PCID2: variants seen among roughly 807,000 people sequenced by gnomAD.
PCID2 encodes the protein PCI domain-containing protein 2.
In PCID2, 41 loss-of-function variants were observed where a neutral mutation model predicts 61.3. The observed-to-expected ratio is 0.67, with a 90% CI of 0.52 to 0.87. PCID2 has a LOEUF of 0.87. PCID2 is among the 40% of genes least tolerant of loss of function. The probability of loss-of-function intolerance (pLI) is 0.00; values close to 1 mark genes in which losing one functional copy is unlikely to be tolerated. For missense variants in PCID2, 392 were observed against 493.4 expected (o/e 0.79, Z 1.95); for synonymous variants, 187 against 177.8 (o/e 1.05, Z -0.41).
intron 7 of PCID2, among the ~76,000 whole-genome samples, chr13:113,190,096 C>T (rs1202380449): frequency 2.0e-5 from 3 of 151,670 alleles, no homozygotes; most frequent in Non-Finnish European, 4.4e-5. Flanking sequence ...GCACTTAACA[C>T]ACATGCAGTT....
In PCID2 at chr13:113,178,173, C is replaced by T. The variant is rs201289099; in HGVS notation, c.*25G>A. On this transcript the variant is annotated 3_prime_UTR_variant, in exon 14 of 14. Coordinates refer to ENST00000337344, the MANE Select transcript of PCID2 (RefSeq NM_001127202.4). Reference sequence around the variant, plus strand: ...CAAAGTGGAAAGAAACAACTGCTCACCCGTCCTCGGGGCTCCGTGTACTTT... The same window carrying T: ...CAAAGTGGAAAGAAACAACTGCTCATCCGTCCTCGGGGCTCCGTGTACTTT... The T allele has an allele frequency of 9.9e-5, 156 of 1,576,222 alleles. No homozygotes were observed. The African/African-American group carries it at 1.8e-3, about 18-fold the overall frequency.
chr13:113,165,210 G>C, the PCID2 span: 1 of 1,352,344 alleles, frequency 7.4e-7, no homozygotes, highest in Non-Finnish European at 1.0e-6. Context: ...ACAACTAAGT[G>C]AATCAGGCAT....
chr13:113,197,032 C>A lies in PCID2; in HGVS notation c.266+146G>T, dbSNP rs140379124. 4.5e-5 allele frequency: 72 copies of A among 1,613,652 alleles called. No individual in the cohort carries two copies. The African/African-American group carries it at 8.3e-4, about 19-fold the overall frequency. On this transcript the variant is annotated intron_variant, in intron 4 of 13. Coordinates refer to ENST00000337344, the MANE Select transcript of PCID2 (RefSeq NM_001127202.4). ...AAATTTAAGTACCCAAGTGAAAGAGCTGAAACGAGCTTCTGTTCCAAAACA... is the reference window on the plus strand; with the variant it reads ...AAATTTAAGTACCCAAGTGAAAGAGATGAAACGAGCTTCTGTTCCAAAACA...
downstream of PCID2, among the ~76,000 whole-genome samples, chr13:113,174,973 C>T (rs891253141): frequency 2.6e-5 from 4 of 152,196 alleles, no homozygotes; most frequent in African/African-American, 4.8e-5. Context: ...GTAATCCCCA[C>T]GTGTGGAGAA....
At chr13:113,200,980 TAA>T (rs1487727646) in intron 1 of PCID2, among the ~76,000 whole-genome samples, 1 of 152,054 alleles carries the variant, frequency 6.6e-6, no homozygotes, top group African/African-American at 2.4e-5. Context: ...CAAATAAAAA[TAA>T]GTCAGTGGTT....
intron 7 of PCID2, among the ~76,000 whole-genome samples, chr13:113,190,166 T>C (rs113787134): frequency 4.0e-5 from 6 of 150,120 alleles, no homozygotes; most frequent in African/African-American, 1.5e-4. Context: ...ATGTAAAACA[T>C]TAAATTTTTA....
At chr13:113,170,928 CT>C in the PCID2 span, among the ~76,000 whole-genome samples, 27,838 of 146,266 alleles carry the variant, frequency 0.19, 2,938 homozygotes, top group South Asian at 0.43. Flanking sequence ...CTATTTCTTT[CT>C]TTTTTTTTTT....
At chr13:113,174,088 C>T (rs566991044), downstream of PCID2, among the ~76,000 whole-genome samples, 2 of 151,054 alleles carry the variant, frequency 1.3e-5, no homozygotes, top group South Asian at 2.1e-4. Context: ...AAAAAAAAAT[C>T]TTTGCCAAGC....
chr13:113,181,124 A>G lies in PCID2; in HGVS notation c.786+6T>C. ...GATCTATAAACATGGAGTAATAATC[A>G]CTCACCAATAGCATTTTTACTGGAA... On this transcript the variant is annotated splice_donor_region_variant and intron_variant, in intron 10 of 13. Coordinates refer to ENST00000337344, the MANE Select transcript of PCID2 (RefSeq NM_001127202.4). The G allele has an allele frequency of 1.9e-6, 3 of 1,555,194 alleles. No homozygotes were observed. Among genetic ancestry groups the G allele is most frequent in the Non-Finnish European group, 2.7e-6 (3 of 1,126,166 alleles).
rs757709926 is a variant in PCID2, at chr13:113,197,258, G to A, written c.201-15C>T. ...CATAAGTGCACCTGGAGGAGAAACA[G>A]AAACATGCTGTCACACAATAAAAAC... On this transcript the variant is annotated splice_polypyrimidine_tract_variant and intron_variant, in intron 3 of 13. Transcript: ENST00000337344. 1.3e-6 allele frequency: 2 copies of A among 1,564,962 alleles called. No individual in the cohort carries two copies. Among genetic ancestry groups the A allele is most frequent in the East Asian group, 4.5e-5 (2 of 44,632 alleles).
chr13:113,198,958 T>C (rs538008899), intron 2 of PCID2, among the ~76,000 whole-genome samples: 4 of 152,352 alleles, frequency 2.6e-5, no homozygotes, highest in African/African-American at 9.6e-5. Flanking sequence ...GACTCGTTCT[T>C]CTCGGCTTCC....
chr13:113,172,989 G>T (rs920874051), downstream of PCID2, among the ~76,000 whole-genome samples: 5 of 152,156 alleles, frequency 3.3e-5, no homozygotes, highest in African/African-American at 1.2e-4. Flanking sequence ...GGGGAGGTGG[G>T]GCCCTTGGGA....
Position 113,190,045 on chromosome 13 carries a change from A to T in PCID2, c.467+827T>A, listed in dbSNP as rs80246576. On this transcript the variant is annotated intron_variant, in intron 7 of 13. Transcript: ENST00000337344. ...TCTCAAAAAAAAAAAAGATTAAAAA[A>T]TAAACAAAGACTAACAGCGGCCTGT... 7.1e-3 allele frequency among the ~76,000 whole-genome samples: 1,087 copies of T among 152,206 alleles called. 17 individuals carry two copies. The highest frequency in any genetic ancestry group is 0.024 in the African/African-American group (1,017 of 41,532).
the PCID2 span, chr13:113,171,806 G>A: frequency 1.7e-5 from 27 of 1,613,408 alleles, no homozygotes; most frequent in East Asian, 4.5e-5. This position sits in a 1 kb window ranked among gnomAD's most constrained non-coding sequence, Gnocchi z 5.1. Flanking sequence ...CCTCCTCAGC[G>A]GCTGGGCACG....
At chr13:113,195,021 A>G (rs774727221) in intron 6 of PCID2, 50 bp downstream of exon 6, 5 of 1,231,446 alleles carry the variant, frequency 4.1e-6, no homozygotes, top group African/African-American at 1.5e-5. Flanking sequence ...AACAACAGAT[A>G]GTCACCAAGT....
chr13:113,205,175 G>A (rs1056022824), intron 1 of PCID2, among the ~76,000 whole-genome samples: 13 of 152,194 alleles, frequency 8.5e-5, no homozygotes, highest in Non-Finnish European at 1.8e-4. Flanking sequence ...AACTACTGAA[G>A]ATTAAGGAGT....
chr13:113,189,719 G>GAAAA (rs34942283), intron 7 of PCID2, among the ~76,000 whole-genome samples: 1 of 141,368 alleles, frequency 7.1e-6, no homozygotes, highest in Non-Finnish European at 1.5e-5. Context: ...TGAAGGAGAG[G>GAAAA]AAAAAAAAAA....
chr13:113,176,910 T>C (rs538289765), downstream of PCID2, among the ~76,000 whole-genome samples: 1 of 152,178 alleles, frequency 6.6e-6, no homozygotes, highest in Non-Finnish European at 1.5e-5. Context: ...CTCCAGCCTC[T>C]AGAACTGTGA....
chr13:113,184,699 C>G (rs1283061915), intron 8 of PCID2, among the ~76,000 whole-genome samples: 2 of 152,272 alleles, frequency 1.3e-5, no homozygotes, highest in Non-Finnish European at 2.9e-5. Flanking sequence ...CGCAGCCCTG[C>G]AGGAGCCCAT....
Sources: gnomAD v4.1 joint callset for allele counts (sites outside exome capture counted in the v4.1 genomes callset) on GRCh38, gnomAD v4.1.1 for gene constraint, Gnocchi (gnomAD v3.1) non-coding constraint, MANE v1.5 for transcripts, NCBI Gene and HGNC (gene_info 2026-07-23, HGNC 2026-07-21) for gene names.